The following ADRA1D variants were observed in gnomAD, a reference collection of about 807,000 sequenced individuals.
The protein encoded by ADRA1D is adrenoceptor alpha 1D.
Under a neutral mutation model 18.6 loss-of-function variants are expected in ADRA1D, and 22 were observed. That is an observed-to-expected ratio of 1.19 (90% CI 0.85 to 1.69). The LOEUF is 1.69. Among genes scored for constraint, ADRA1D ranks in the 40% most tolerant of loss-of-function variants. The pLI is 0.00. For missense variants in ADRA1D, 840 were observed against 840.7 expected (o/e 1.00, Z 0.01); for synonymous variants, 376 against 388.2 (o/e 0.97, Z 0.37).
intron 1 of ADRA1D, among the ~76,000 whole-genome samples, chr20:4,233,059 T>C (rs1449441486): frequency 6.6e-6 from 1 of 152,138 alleles, no homozygotes; most frequent in Non-Finnish European, 1.5e-5. Context: ...CCTAGCTACT[T>C]GGGAGGCTGA....
At chr20:4,237,970 G>A (rs1981134869) in intron 1 of ADRA1D, among the ~76,000 whole-genome samples, 1 of 151,618 alleles carries the variant, frequency 6.6e-6, no homozygotes, top group South Asian at 2.1e-4. Flanking sequence ...AGGGTCGGCT[G>A]GGTGCAGTGG....
In ADRA1D at chr20:4,221,614, G is replaced by A. The variant is rs752284081; in HGVS notation, c.1628C>T (p.Ser543Phe). 39 of 1,613,572 alleles carry A rather than the reference G, an allele frequency of 2.4e-5. 2 individuals are homozygous for A. In the South Asian group the frequency reaches 4.2e-4, roughly 17 times the overall value. The change falls in exon 2 of 2, where the codon TCC (serine) becomes TTC (phenylalanine). Residue 543 changes from serine to phenylalanine, a missense_variant. Ser to Phe is a radical substitution (Grantham distance 155, BLOSUM62 -2). Transcript: ENST00000379453. ...CAQRSEVEAV[S>F]LGVPHEVAEG... ...GGCCACCTCGTGTGGGACGCCTAGGGACACAGCCTCCACCTCTGAGCGCTG... is the reference window on the plus strand; with the variant it reads ...GGCCACCTCGTGTGGGACGCCTAGGAACACAGCCTCCACCTCTGAGCGCTG...
intron 1 of ADRA1D, among the ~76,000 whole-genome samples, chr20:4,233,312 T>A (rs1399303643): frequency 6.6e-6 from 1 of 151,468 alleles, no homozygotes; most frequent in Non-Finnish European, 1.5e-5. Flanking sequence ...AATATAAAAA[T>A]TAGCCAGGTG....
At chr20:4,227,563 C>T (rs1163935165) in intron 1 of ADRA1D, among the ~76,000 whole-genome samples, 1 of 152,022 alleles carries the variant, frequency 6.6e-6, no homozygotes. Context: ...CTCCTGTTGG[C>T]CCCTAAGTCC....
At chr20:4,236,226 C>A (rs1039288987) in intron 1 of ADRA1D, among the ~76,000 whole-genome samples, 1 of 152,214 alleles carries the variant, frequency 6.6e-6, no homozygotes, top group Admixed American at 6.5e-5. Context: ...TATTACTCAA[C>A]CTCTCTGGTG....
At chr20:4,242,588 G>T (rs1399443672) in intron 1 of ADRA1D, among the ~76,000 whole-genome samples, 1 of 152,230 alleles carries the variant, frequency 6.6e-6, no homozygotes, top group Admixed American at 6.5e-5. Context: ...CACAAGATAG[G>T]AGAGAGGCTC....
At position 4,221,692 on chromosome 20, in the gene ADRA1D, A is replaced by C; in HGVS notation, c.1550T>G (p.Leu517Arg). 6.2e-7 allele frequency: 1 copy of C among 1,611,928 alleles called. No individual in the cohort carries two copies. ...GCCCCCGGCGCGGATCTTGTGCGAC[A>C]GGCTGGAGACTTTGGCGCGCAGCTG... ...TTQLRAKVSS[L>R]SHKIRAGGAQ... Residue 517 changes from leucine (L) to arginine (R), a missense_variant, in exon 2 of 2, where the codon CTG becomes CGG. Coordinates refer to ENST00000379453, the MANE Select transcript of ADRA1D (RefSeq NM_000678.4).
chr20:4,226,273 A>G lies in ADRA1D; in HGVS notation c.1112-4143T>C, dbSNP rs147542871. Among the ~76,000 whole-genome samples, 316 of 152,298 alleles carry G rather than the reference A, an allele frequency of 2.1e-3. 1 individual carries two copies. Among genetic ancestry groups the G allele is most frequent in the Middle Eastern group, 6.8e-3 (2 of 294 alleles). ...TACACGAGAAGGAGCTGTAATACAA[A>G]CTCAGCCTTTCAGCCCCAAGGTTTT... On this transcript the variant is annotated intron_variant, in intron 1 of 1. Coordinates refer to ENST00000379453, the MANE Select transcript of ADRA1D (RefSeq NM_000678.4).
intron 1 of ADRA1D, among the ~76,000 whole-genome samples, chr20:4,234,634 C>G (rs1393511739): frequency 6.6e-6 from 1 of 152,182 alleles, no homozygotes. Context: ...GTTTGCTCAG[C>G]TGCTCACGCA....
At chr20:4,236,827 C>A (rs1981103823) in intron 1 of ADRA1D, among the ~76,000 whole-genome samples, 1 of 152,074 alleles carries the variant, frequency 6.6e-6, no homozygotes, top group African/African-American at 2.4e-5. Context: ...GGAGGCAGGG[C>A]CATGAGCCAA....
chr20:4,225,235 G>A (rs989267310), intron 1 of ADRA1D, among the ~76,000 whole-genome samples: 1 of 151,470 alleles, frequency 6.6e-6, no homozygotes, highest in Non-Finnish European at 1.5e-5. Flanking sequence ...TCCTGACCTC[G>A]TGATCTGCCT....
chr20:4,227,685 T>TCC, intron 1 of ADRA1D, among the ~76,000 whole-genome samples: 1 of 62,234 alleles, frequency 1.6e-5, no homozygotes, highest in African/African-American at 7.9e-5. Context: ...CTTCCTTCCC[T>TCC]CTCTCCCTCC....
chr20:4,238,179 G>T (rs1359823371), intron 1 of ADRA1D, among the ~76,000 whole-genome samples: 1 of 151,876 alleles, frequency 6.6e-6, no homozygotes, highest in Non-Finnish European at 1.5e-5. Flanking sequence ...CTTGAACCTG[G>T]GAGGCAGAGG....
intron 1 of ADRA1D, among the ~76,000 whole-genome samples, chr20:4,234,529 T>C (rs1186392341): frequency 1.3e-5 from 2 of 152,110 alleles, no homozygotes; most frequent in Non-Finnish European, 2.9e-5. Context: ...GGAGTAAAAA[T>C]ACCCCATCCT....
chr20:4,248,088 C>T lies in ADRA1D; in HGVS notation c.870G>A (p.Ala290=), dbSNP rs35105284. Reference sequence around the variant, plus strand: ...CCTTGCCTCGCTCGCGCTTGACGCCCGCCTCGAGGCTGCGCGTGGTGCTGC... The same window carrying T: ...CCTTGCCTCGCTCGCGCTTGACGCCTGCCTCGAGGCTGCGCGTGGTGCTGC... The part of the protein sequence containing the change: ...VARSTTRSLE[A]GVKRERGKAS... The change falls in exon 1 of 2, where the codon GCG becomes GCA. Residue 290 remains alanine (A), a synonymous_variant. Transcript: ENST00000379453. The T allele has an allele frequency of 0.26, 404,636 of 1,553,008 alleles. 54,457 individuals are homozygous for T. The highest frequency in any genetic ancestry group is 0.3 in the Admixed American group (15,192 of 51,198).
chr20:4,248,316 G>A lies in ADRA1D; in HGVS notation c.642C>T (p.Ala214=). 1 of 1,606,244 alleles carries A rather than the reference G, an allele frequency of 6.2e-7. No individual in the cohort carries two copies. Among genetic ancestry groups the A allele is most frequent in the Non-Finnish European group, 8.5e-7 (1 of 1,176,670 alleles). ...YPAIMTERKA[A]AILALLWVVA... ...CGACCCAGAGCAGGGCCAGGATGGCGGCCGCCTTGCGCTCGGTCATGATGG... is the reference window on the plus strand; with the variant it reads ...CGACCCAGAGCAGGGCCAGGATGGCAGCCGCCTTGCGCTCGGTCATGATGG... The change falls in exon 1 of 2, where the codon GCC becomes GCT. Residue 214 remains alanine (A), a synonymous_variant. Transcript: ENST00000379453.
intron 1 of ADRA1D, among the ~76,000 whole-genome samples, chr20:4,241,073 AC>A (rs35567667): frequency 6.6e-6 from 1 of 152,104 alleles, no homozygotes; most frequent in Non-Finnish European, 1.5e-5. Flanking sequence ...ATGGGGACTC[AC>A]CCCCAACCCA....
Position 4,222,033 on chromosome 20 carries a change from G to C in ADRA1D, c.1209C>G (p.Pro403=). ...CGCGCTTGAACTCGCGGCTGGAACAGGGGTAGATGAGCGGGTTCACGCAGC... is the reference window on the plus strand; with the variant it reads ...CGCGCTTGAACTCGCGGCTGGAACACGGGTAGATGAGCGGGTTCACGCAGC... The part of the protein sequence containing the change: ...FNSCVNPLIY[P]CSSREFKRAF... Residue 403 remains proline (P), a synonymous_variant, in exon 2 of 2, where the codon CCC becomes CCG. Transcript: ENST00000379453. This position sits in a 1 kb window ranked among gnomAD's most constrained non-coding sequence, Gnocchi z 4.3. The C allele has an allele frequency of 1.2e-6, 2 of 1,610,972 alleles. No individual in the cohort carries two copies. Among genetic ancestry groups the C allele is most frequent in the South Asian group, 2.2e-5 (2 of 90,810 alleles).
At chr20:4,240,265 G>A (rs1274190853) in intron 1 of ADRA1D, among the ~76,000 whole-genome samples, 1 of 152,100 alleles carries the variant, frequency 6.6e-6, no homozygotes, top group African/African-American at 2.4e-5. Flanking sequence ...TAGGCAAATC[G>A]ACCATATGCA....
Sources: gnomAD v4.1 joint callset for allele counts (sites outside exome capture counted in the v4.1 genomes callset) on GRCh38, gnomAD v4.1.1 for gene constraint, Gnocchi (gnomAD v3.1) non-coding constraint, MANE v1.5 for transcripts, NCBI Gene and HGNC (gene_info 2026-07-23, HGNC 2026-07-21) for gene names.